Variants in SERAC1 observed in about 807,000 individuals in gnomAD.
The protein encoded by SERAC1 is protein SERAC1.
SERAC1 carries 36 observed loss-of-function variants against 85.7 expected under a neutral mutation model. The ratio of observed to expected loss-of-function variants is 0.42; its 90% confidence interval spans 0.32 to 0.55. The LOEUF (loss-of-function observed/expected upper bound fraction) is 0.55, where lower values mean the gene tolerates loss of function less well. Ranked by LOEUF, SERAC1 falls within the 20% of genes least tolerant of loss-of-function variation. SERAC1 has a pLI of 0.11. For synonymous variants in SERAC1, 242 were observed against 265.3 expected (o/e 0.91, Z 0.85); for missense variants, 629 against 796.2 (o/e 0.79, Z 2.53).
chr6:158,160,158 G>A (rs1225520328), intron 1 of SERAC1, among the ~76,000 whole-genome samples: 1 of 151,102 alleles, frequency 6.6e-6, no homozygotes, highest in African/African-American at 2.4e-5. Context: ...TACGAGAGGG[G>A]TTTTTTAAAA....
At chr6:158,138,721 T>C (rs1562447408) in intron 8 of SERAC1, among the ~76,000 whole-genome samples, 1 of 152,026 alleles carries the variant, frequency 6.6e-6, no homozygotes, top group Non-Finnish European at 1.5e-5. Flanking sequence ...CAAGGCCTGC[T>C]GAAATTGAGG....
At chr6:158,163,762 T>C (rs150858575) in intron 1 of SERAC1, among the ~76,000 whole-genome samples, 170 of 152,298 alleles carry the variant, frequency 1.1e-3, no homozygotes, top group African/African-American at 3.9e-3. Context: ...TGACAGAGTC[T>C]CACTCTGTCG....
At chr6:158,153,732 C>T (rs930756313) in intron 3 of SERAC1, among the ~76,000 whole-genome samples, 4 of 152,134 alleles carry the variant, frequency 2.6e-5, no homozygotes, top group African/African-American at 7.2e-5. Context: ...GGATTCAGAG[C>T]TTAGCACCTT....
intron 9 of SERAC1, among the ~76,000 whole-genome samples, chr6:158,130,087 G>A (rs1038158201): frequency 7.2e-5 from 11 of 152,344 alleles, no homozygotes; most frequent in African/African-American, 2.2e-4. Flanking sequence ...AAAGGCAGTA[G>A]AAGACAACAT....
rs765157590 is a variant in SERAC1, at chr6:158,114,422, T to TAACA, written c.1684+363_1684+366dup. 4.2e-4 allele frequency: 399 copies of TAACA among 948,684 alleles called. 1 individual carries two copies. The highest frequency in any genetic ancestry group is 1.8e-3 in the South Asian group (38 of 21,398). The allele number at this position is 948,684 out of a possible 1,614,324, so 58.8% of individuals were successfully genotyped here. ...AACCAGAGTACTTTAAAATTAATAC[T>TAACA]AACAATCTCAAAGTTTCATTTACAT... On this transcript the variant is annotated intron_variant, in intron 15 of 16. Transcript: ENST00000647468.
chr6:158,120,802 T>C lies in SERAC1; in HGVS notation c.1016-227A>G, dbSNP rs563750056. ...GGGACCTCAAAGAAGGAAAGAGGGG[T>C]TGAAGAGCCATTTTCTTTATTTAGA... On this transcript the variant is annotated intron_variant, in intron 10 of 16. Coordinates refer to ENST00000647468, the MANE Select transcript of SERAC1 (RefSeq NM_032861.4). This position sits in a 1 kb window ranked among gnomAD's most constrained non-coding sequence, Gnocchi z 4.4. Among the ~76,000 whole-genome samples, 10 of 152,174 alleles carry C rather than the reference T, an allele frequency of 6.6e-5. No homozygotes were observed. In the South Asian group the frequency reaches 1.7e-3, roughly 25 times the overall value.
intron 8 of SERAC1, among the ~76,000 whole-genome samples, chr6:158,130,772 G>T (rs1010978835): frequency 1.3e-5 from 2 of 152,168 alleles, no homozygotes; most frequent in African/African-American, 4.8e-5. Flanking sequence ...CTTTTAACAA[G>T]TAAGAAAAGC....
chr6:158,152,802 C>G (rs1293137506), intron 3 of SERAC1: 1 of 152,190 alleles, frequency 6.6e-6, no homozygotes, highest in East Asian at 1.9e-4. Context: ...AGCCTAGGAG[C>G]AACAGGCTGT....
intron 2 of SERAC1, among the ~76,000 whole-genome samples, chr6:158,156,552 G>A (rs1358325128): frequency 6.6e-6 from 1 of 151,638 alleles, no homozygotes; most frequent in Non-Finnish European, 1.5e-5. Context: ...CAAGAAGATT[G>A]CTAAACTGTA....
chr6:158,136,230 CTTA>C (rs908946308), intron 8 of SERAC1, among the ~76,000 whole-genome samples: 1 of 151,994 alleles, frequency 6.6e-6, no homozygotes, highest in Admixed American at 6.6e-5. Flanking sequence ...AATATATTTT[CTTA>C]TTATTGAATG....
At chr6:158,153,479 G>C (rs772604135) in intron 3 of SERAC1, among the ~76,000 whole-genome samples, 17 of 152,150 alleles carry the variant, frequency 1.1e-4, no homozygotes, top group Non-Finnish European at 2.4e-4. Context: ...CAGGTATCTA[G>C]AATTACATAC....
Position 158,110,786 on chromosome 6 carries a change from AAT to A in SERAC1, c.*578_*579del, listed in dbSNP as rs1173680226. ...AAAGATTTGTTCTCAGGAATACGAA[AAT>A]AGATACAAGGAACTGACCCAGACAT... On this transcript the variant is annotated 3_prime_UTR_variant, in exon 17 of 17. Transcript: ENST00000647468. 3 of 152,256 alleles carry A rather than the reference AAT, an allele frequency of 2.0e-5. No homozygotes were observed. Among genetic ancestry groups the A allele is most frequent in the African/African-American group, 7.2e-5 (3 of 41,468 alleles). The allele number at this position is 152,256 out of a possible 1,614,324, so 9.4% of individuals were successfully genotyped here. A position where few individuals can be genotyped will look rare whatever the true frequency, so the allele number is the denominator to read the frequency against.
rs1435521128 is a variant in SERAC1, at chr6:158,113,321, A to G, written c.1828+128T>C. 293 of 730,220 alleles carry G rather than the reference A, an allele frequency of 4.0e-4. 2 individuals are homozygous for G. Among genetic ancestry groups the G allele is most frequent in the Non-Finnish European group, 3.1e-5 (14 of 450,258 alleles). The allele number at this position is 730,220 out of a possible 1,614,324, so 45.2% of individuals were successfully genotyped here. On this transcript the variant is annotated intron_variant, in intron 16 of 16. Coordinates refer to ENST00000647468, the MANE Select transcript of SERAC1 (RefSeq NM_032861.4). ...ATCTATTGCTGAAAAGAATAAAAGA[A>G]ATCAAATCTAGACCTTCATAAACTA...
In SERAC1 at chr6:158,148,991, T is replaced by C. The variant is rs1168236207; in HGVS notation, c.266-37A>G. ...ATAAAATTAAGTAAAACCAAGAATGTATTTTTTTTTTCTTTTGAGATGGAA... is the reference window on the plus strand; with the variant it reads ...ATAAAATTAAGTAAAACCAAGAATGCATTTTTTTTTTCTTTTGAGATGGAA... On this transcript the variant is annotated intron_variant, in intron 4 of 16. Coordinates refer to ENST00000647468, the MANE Select transcript of SERAC1 (RefSeq NM_032861.4). 2.2e-5 allele frequency: 30 copies of C among 1,363,404 alleles called. 1 individual carries two copies. The highest frequency in any genetic ancestry group is 7.4e-5 in the East Asian group (3 of 40,546). 84.5% of individuals were successfully genotyped at this position (1,363,404 alleles called of 1,614,324 possible). A position where few individuals can be genotyped will look rare whatever the true frequency, so the allele number is the denominator to read the frequency against.
intron 12 of SERAC1, among the ~76,000 whole-genome samples, chr6:158,118,405 A>T (rs1031417242): frequency 9.8e-5 from 15 of 152,322 alleles, no homozygotes; most frequent in African/African-American, 3.6e-4. Flanking sequence ...ATTCCATTCA[A>T]TGAATTCATT....
intron 6 of SERAC1, 49 bp from the exon 7 acceptor site, chr6:158,144,469 T>C: frequency 6.6e-7 from 1 of 1,507,112 alleles, no homozygotes; most frequent in Non-Finnish European, 9.0e-7. Flanking sequence ...AGCTGACAGA[T>C]GTCATAAAGA....
intron 1 of SERAC1, chr6:158,158,968 G>C (rs1320631084): frequency 6.6e-6 from 1 of 152,184 alleles, no homozygotes; most frequent in Non-Finnish European, 1.5e-5. Context: ...ATGATCATAT[G>C]CTGCAATCAT....
rs747826518 is a variant in SERAC1 at position 158,148,846 on chromosome 6, T to C, written c.355+19A>G. ...TCAGATTACTGATAAGGATTCCAAG[T>C]CATATAGTGGATATTTACCAGCAAA... On this transcript the variant is annotated intron_variant, in intron 5 of 16. Coordinates refer to ENST00000647468, the MANE Select transcript of SERAC1 (RefSeq NM_032861.4). 2 of 1,545,096 alleles carry C rather than the reference T, an allele frequency of 1.3e-6. No individual in the cohort carries two copies. The highest frequency in any genetic ancestry group is 1.2e-5 in the South Asian group (1 of 86,224).
Position 158,116,679 on chromosome 6 carries a change from C to G in SERAC1, c.1404-397G>C, listed in dbSNP as rs373989328. 7.2e-5 allele frequency: 12 copies of G among 166,774 alleles called. No homozygotes were observed. The East Asian group carries it at 2.0e-3, about 28-fold the overall frequency. 10.3% of individuals were successfully genotyped at this position (166,774 alleles called of 1,614,324 possible). A position where few individuals can be genotyped will look rare whatever the true frequency, so the allele number is the denominator to read the frequency against. On this transcript the variant is annotated intron_variant, in intron 13 of 16. Coordinates refer to ENST00000647468, the MANE Select transcript of SERAC1 (RefSeq NM_032861.4). Reference sequence around the variant, plus strand: ...GAGCACCTGTGTCAGGCAATTTTTTCGGGTCAAATGTGGGTCTCCCTGCAA... The same window carrying G: ...GAGCACCTGTGTCAGGCAATTTTTTGGGGTCAAATGTGGGTCTCCCTGCAA...
Sources: allele counts gnomAD v4.1 joint callset (sites outside exome capture counted in the v4.1 genomes callset), GRCh38; gene constraint gnomAD v4.1.1; non-coding constraint Gnocchi (gnomAD v3.1); transcripts MANE v1.5; gene names NCBI Gene and HGNC (gene_info 2026-07-23, HGNC 2026-07-21).